Variants in CLIP2 observed in about 807,000 individuals in gnomAD.
CLIP2 encodes CAP-Gly domain-containing linker protein 2.
A neutral mutation model predicts 111.7 loss-of-function variants in CLIP2; 41 were observed. The ratio of observed to expected loss-of-function variants is 0.37; its 90% CI spans 0.29 to 0.48. CLIP2 has a LOEUF of 0.48. Ranked by LOEUF, CLIP2 falls within the 20% of genes least tolerant of loss-of-function variation. The pLI is 0.99. For missense variants in CLIP2, 1,160 were observed against 1,422.1 expected, an observed-to-expected ratio of 0.82 and a Z score of 2.96; for synonymous variants, 660 against 644.2, an observed-to-expected ratio of 1.02 and a Z score of -0.37.
chr7:74,344,094 A>G (rs938958119), intron 3 of CLIP2, among the ~76,000 whole-genome samples: 1 of 152,142 alleles, frequency 6.6e-6, no homozygotes, highest in African/African-American at 2.4e-5. Context: ...ATTGGGGAGC[A>G]GTAGGTTTAA....
intron 1 of CLIP2, among the ~76,000 whole-genome samples, chr7:74,302,366 C>T (rs541626564): frequency 3.3e-5 from 5 of 151,976 alleles, no homozygotes; most frequent in Admixed American, 3.3e-4. Flanking sequence ...CAGGCGCACA[C>T]CACCACGCCC....
intron 14 of CLIP2, among the ~76,000 whole-genome samples, chr7:74,399,349 A>G (rs1413327177): frequency 6.6e-6 from 1 of 151,746 alleles, no homozygotes; most frequent in Admixed American, 6.6e-5. Context: ...ACCAGCCTGG[A>G]CCTCATAACA....
chr7:74,331,919 C>T (rs1233870642), intron 2 of CLIP2, among the ~76,000 whole-genome samples: 1 of 151,898 alleles, frequency 6.6e-6, no homozygotes, highest in African/African-American at 2.4e-5. Context: ...GAATCATTTA[C>T]AAGGAGAGTG....
At chr7:74,357,515 G>A (rs1790184303) in intron 6 of CLIP2, 38 bp downstream of exon 6, 1 of 1,577,374 alleles carries the variant, frequency 6.3e-7, no homozygotes, top group Non-Finnish European at 8.6e-7. Flanking sequence ...AGCTTCTCCA[G>A]CCAGCCTCAT....
chr7:74,376,503 G>C lies in CLIP2; in HGVS notation c.2102G>C (p.Arg701Pro). Residue 701 changes from arginine to proline, a missense_variant, in exon 10 of 17, where the codon CGG becomes CCG. Physicochemically the swap from Arg to Pro is moderately radical, Grantham distance 103. This residue lies in a region of CLIP2 where 676 missense variants were observed against 777.8 expected (regional missense o/e 0.87). Transcript: ENST00000223398. The surrounding 1 kb of genome is among the most constrained non-coding windows in gnomAD (Gnocchi z 7.1). Reference protein sequence around the residue: ...EAQEELAGLQRHWRAQLEVQA... With the variant: ...EAQEELAGLQPHWRAQLEVQA... ...CAGGAGGAGCTGGCTGGGCTGCAGC[G>C]GCACTGGCGGGCCCAGCTGGAGGTG... The C allele has an allele frequency of 1.2e-6, 2 of 1,606,446 alleles. No homozygotes were observed. The highest frequency in any genetic ancestry group is 1.7e-6 in the Non-Finnish European group (2 of 1,177,384).
rs1161514384 is a variant in CLIP2, at chr7:74,375,945, G to A, written c.1544G>A (p.Arg515His). The A allele has an allele frequency of 4.4e-6, 7 of 1,602,192 alleles. No homozygotes were observed. The highest frequency in any genetic ancestry group is 1.3e-5 in the African/African-American group (1 of 74,690). The change falls in exon 10 of 17, where the codon CGC becomes CAC. Residue 515 changes from arginine (R) to histidine (H), a missense_variant. Physicochemically the swap from Arg to His is conservative, Grantham distance 29 (BLOSUM62 0). This residue lies in a region of CLIP2 where 676 missense variants were observed against 777.8 expected (regional missense o/e 0.87). Transcript: ENST00000223398. ...VLQLEEELTL[R>H]RGEIEELQQC... ...CAGCTGGAGGAGGAGCTCACCCTGC[G>A]CCGAGGTGAAATCGAGGAGCTCCAG...
At chr7:74,358,178 A>G (rs1164779049) in intron 6 of CLIP2, among the ~76,000 whole-genome samples, 15 of 151,696 alleles carry the variant, frequency 9.9e-5, no homozygotes, top group African/African-American at 2.4e-5. Context: ...CAGCCTCTCA[A>G]GTAGTTGGGA....
chr7:74,324,202 G>C (rs1448969080), intron 2 of CLIP2, among the ~76,000 whole-genome samples: 1 of 152,076 alleles, frequency 6.6e-6, no homozygotes, highest in Non-Finnish European at 1.5e-5. Flanking sequence ...ATGTTGGTCA[G>C]GCTGGTCTCA....
chr7:74,344,446 G>A (rs1428141648), intron 3 of CLIP2, among the ~76,000 whole-genome samples: 1 of 152,092 alleles, frequency 6.6e-6, no homozygotes, highest in Non-Finnish European at 1.5e-5. Flanking sequence ...CGGTGGTGTA[G>A]TCATAGCTCA....
rs142895866 is a variant in CLIP2 at position 74,357,282 on chromosome 7, C to T, written c.1020C>T (p.Leu340=). 6.2e-6 allele frequency: 10 copies of T among 1,613,804 alleles called. No homozygotes were observed. In the African/African-American group the frequency reaches 1.3e-4, roughly 22 times the overall value. Residue 340 remains leucine (L), a splice_region_variant and synonymous_variant, in exon 6 of 17, where the codon CTC becomes CTT. Coordinates refer to ENST00000223398, the MANE Select transcript of CLIP2 (RefSeq NM_003388.5). ...CCTGCATCCACACCTTCCTGCAGCT[C>T]ACGGAGACCTCTTCACGCTACGCCC... The part of the protein sequence containing the change: ...VGGRPSRSGL[L]TETSSRYARK...
At chr7:74,371,600 A>G (rs2116644022) in intron 8 of CLIP2, among the ~76,000 whole-genome samples, 1 of 131,202 alleles carries the variant, frequency 7.6e-6, no homozygotes, top group Non-Finnish European at 1.6e-5. Flanking sequence ...AAAGAGAAGG[A>G]GAGAAGGAGG....
chr7:74,371,646 A>G (rs1790626597), intron 8 of CLIP2, among the ~76,000 whole-genome samples: 1 of 124,694 alleles, frequency 8.0e-6, no homozygotes, highest in Non-Finnish European at 1.6e-5. Context: ...GGAGAGAGAG[A>G]GGGAGGGAGA....
chr7:74,385,662 ATTG>A (rs1562723943), intron 11 of CLIP2, among the ~76,000 whole-genome samples: 20 of 148,464 alleles, frequency 1.3e-4, no homozygotes, highest in African/African-American at 5.0e-4. Flanking sequence ...TAGCACTGTT[ATTG>A]TTCTCCCTGT....
intron 12 of CLIP2, among the ~76,000 whole-genome samples, chr7:74,387,489 G>C (rs1213125659): frequency 6.6e-6 from 1 of 152,162 alleles, no homozygotes; most frequent in African/African-American, 2.4e-5. Flanking sequence ...GAGCTCAGGT[G>C]ATCCACCTGC....
chr7:74,306,979 T>G (rs1554727838), intron 1 of CLIP2, among the ~76,000 whole-genome samples: 8 of 152,284 alleles, frequency 5.3e-5, no homozygotes, highest in Admixed American at 6.5e-5. Flanking sequence ...TATCATCAAG[T>G]CCCAGCGTTT....
At chr7:74,370,155 CAA>C (rs536133070) in intron 8 of CLIP2, among the ~76,000 whole-genome samples, 3 of 32,896 alleles carry the variant, frequency 9.1e-5, no homozygotes, top group Admixed American at 4.0e-4. Context: ...GACTCTGCCT[CAA>C]AAAAAAAAAA....
At chr7:74,401,419 C>T (rs1212940020) in intron 15 of CLIP2, 86 bp from the exon 16 acceptor site, 5 of 1,314,210 alleles carry the variant, frequency 3.8e-6, no homozygotes, top group Non-Finnish European at 5.4e-6. Context: ...CTGAGACGGT[C>T]CCATGGGAAG....
chr7:74,308,325 T>A (rs1788550717), intron 1 of CLIP2, among the ~76,000 whole-genome samples: 1 of 152,008 alleles, frequency 6.6e-6, no homozygotes, highest in African/African-American at 2.4e-5. Flanking sequence ...GGATGCTGGC[T>A]GGTTGGGAGG....
intron 2 of CLIP2, among the ~76,000 whole-genome samples, chr7:74,336,474 G>T (rs1405176850): frequency 6.6e-6 from 1 of 151,960 alleles, no homozygotes; most frequent in Non-Finnish European, 1.5e-5. Flanking sequence ...CGTCTTACAT[G>T]GCGGCAGACA....
Sources: gnomAD v4.1 joint callset for allele counts (sites outside exome capture counted in the v4.1 genomes callset) on GRCh38, gnomAD v4.1.1 for gene constraint, gnomAD v4.1.1 regional missense constraint, Gnocchi (gnomAD v3.1) non-coding constraint, MANE v1.5 for transcripts, NCBI Gene and HGNC (gene_info 2026-07-23, HGNC 2026-07-21) for gene names.